Variants in ELAVL2 observed in about 807,000 individuals in gnomAD.
The protein encoded by ELAVL2 is ELAV-like protein 2.
A neutral mutation model predicts 34.6 loss-of-function variants in ELAVL2; 4 were observed. The observed-to-expected ratio is 0.12, with a 90% CI of 0.06 to 0.26. ELAVL2 has a LOEUF of 0.26. Ranked by LOEUF, ELAVL2 falls within the 10% of genes least tolerant of loss-of-function variation. The pLI, the probability that ELAVL2 is intolerant of heterozygous loss-of-function variation, is 1.00. For missense variants in ELAVL2, 432 were observed against 442.8 expected, an observed-to-expected ratio of 0.98 and a Z score of 0.22; for synonymous variants, 193 against 154.8, an observed-to-expected ratio of 1.25 and a Z score of -1.83.
At chr9:23,793,260 T>C (rs1400675161) in intron 1 of ELAVL2, among the ~76,000 whole-genome samples, 1 of 152,206 alleles carries the variant, frequency 6.6e-6, no homozygotes, top group Non-Finnish European at 1.5e-5. Context: ...TTTATTCAAA[T>C]AGGCTTTTAC....
intron 5 of ELAVL2, 70 bp from the exon 6 acceptor site, chr9:23,693,556 A>G (rs1249797624): frequency 1.3e-6 from 2 of 1,547,438 alleles, no homozygotes; most frequent in South Asian, 2.2e-5. Context: ...AGTTGGGCTC[A>G]TTACTGCCAT....
chr9:23,821,171 A>G (rs2064614640), intron 1 of ELAVL2: 1 of 152,654 alleles, frequency 6.6e-6, no homozygotes, highest in Admixed American at 6.5e-5. Context: ...CAACACAGGA[A>G]TCCTGCCCTT....
At chr9:23,734,660 C>T (rs1429545878) in intron 2 of ELAVL2, among the ~76,000 whole-genome samples, 1 of 152,146 alleles carries the variant, frequency 6.6e-6, no homozygotes, top group Admixed American at 6.5e-5. Context: ...TCTCAAACTT[C>T]TGTACCTTTT....
chr9:23,790,660 A>G (rs1018227877), intron 1 of ELAVL2, among the ~76,000 whole-genome samples: 1 of 152,210 alleles, frequency 6.6e-6, no homozygotes, highest in Admixed American at 6.5e-5. Flanking sequence ...GCTGGAGCAA[A>G]TAACTATAAA....
At chr9:23,724,437 G>A (rs2044556100) in intron 3 of ELAVL2, among the ~76,000 whole-genome samples, 1 of 151,220 alleles carries the variant, frequency 6.6e-6, no homozygotes, top group African/African-American at 2.5e-5. Context: ...GAGGCCTGAG[G>A]ACAGGACATT....
chr9:23,697,751 T>C (rs771288777), intron 5 of ELAVL2, among the ~76,000 whole-genome samples: 1 of 152,124 alleles, frequency 6.6e-6, no homozygotes, highest in African/African-American at 2.4e-5. Context: ...TGATGGACTA[T>C]GGGAAGGCCT....
At chr9:23,841,175 G>A in the ELAVL2 span, among the ~76,000 whole-genome samples, 7 of 152,060 alleles carry the variant, frequency 4.6e-5, no homozygotes, top group Non-Finnish European at 7.4e-5. Context: ...AGGTGGCAGC[G>A]TAAGCCTAGG....
rs765541452 is a variant in ELAVL2, at chr9:23,701,616, T to G, written c.488-12A>C. The stretch of plus-strand genomic sequence containing the variant: ...ACCCCTTGATATGCCTATGGTAGAT[T>G]TGAGTAAAGATTTGGAAAAGAGGGA... On this transcript the variant is annotated splice_polypyrimidine_tract_variant and intron_variant, in intron 4 of 6. Coordinates refer to ENST00000397312, the MANE Select transcript of ELAVL2 (RefSeq NM_004432.5). 1.1e-5 allele frequency: 17 copies of G among 1,611,226 alleles called. No individual in the cohort carries two copies. Among genetic ancestry groups the G allele is most frequent in the Non-Finnish European group, 1.4e-5 (16 of 1,178,000 alleles).
At chr9:23,728,530 TAG>T (rs1177005280) in intron 3 of ELAVL2, among the ~76,000 whole-genome samples, 2 of 152,058 alleles carry the variant, frequency 1.3e-5, no homozygotes, top group African/African-American at 2.4e-5. Flanking sequence ...AGAAACACCA[TAG>T]AGTTTTGAGT....
At chr9:23,785,511 A>AT (rs1588486510) in intron 1 of ELAVL2, among the ~76,000 whole-genome samples, 2 of 152,344 alleles carry the variant, frequency 1.3e-5, no homozygotes, top group East Asian at 3.9e-4. Context: ...TTTTAATCAG[A>AT]TATCTCCCAA....
intron 1 of ELAVL2, among the ~76,000 whole-genome samples, chr9:23,809,898 A>C (rs1239563909): frequency 6.6e-6 from 1 of 152,224 alleles, no homozygotes; most frequent in African/African-American, 2.4e-5. Context: ...AGGTGAATCA[A>C]GAACAATCTT....
intron 1 of ELAVL2, among the ~76,000 whole-genome samples, chr9:23,819,241 T>G (rs965222947): frequency 1.3e-5 from 2 of 152,168 alleles, no homozygotes; most frequent in African/African-American, 4.8e-5. Context: ...TCATTCTCCC[T>G]TAACCTACCA....
At chr9:23,850,350 C>A in the ELAVL2 span, among the ~76,000 whole-genome samples, 1 of 151,344 alleles carries the variant, frequency 6.6e-6, no homozygotes, top group Admixed American at 6.6e-5. Flanking sequence ...CCACAGTCTT[C>A]CACTGCCTGA....
chr9:23,704,200 TGGA>T, intron 4 of ELAVL2, among the ~76,000 whole-genome samples: 1 of 149,324 alleles, frequency 6.7e-6, no homozygotes, highest in Non-Finnish European at 1.5e-5. Flanking sequence ...CCAAAGTGCT[TGGA>T]TTATAGGCAT....
intron 2 of ELAVL2, among the ~76,000 whole-genome samples, chr9:23,760,007 G>A (rs2054585373): frequency 6.6e-6 from 1 of 151,470 alleles, no homozygotes; most frequent in South Asian, 2.1e-4. Flanking sequence ...CAGTTTTTTA[G>A]TATCTAGGTA....
chr9:23,718,630 C>T (rs1325386905), intron 3 of ELAVL2, among the ~76,000 whole-genome samples: 1 of 152,152 alleles, frequency 6.6e-6, no homozygotes, highest in Non-Finnish European at 1.5e-5. Context: ...AAGCCCTCCC[C>T]ACAGAGCCAA....
the ELAVL2 span, among the ~76,000 whole-genome samples, chr9:23,845,757 C>A: frequency 6.6e-6 from 1 of 151,274 alleles, no homozygotes; most frequent in Admixed American, 6.6e-5. Flanking sequence ...ATCATTAATT[C>A]AAATACTATT....
At chr9:23,734,155 T>C (rs767647422) in intron 2 of ELAVL2, among the ~76,000 whole-genome samples, 27 of 152,324 alleles carry the variant, frequency 1.8e-4, no homozygotes, top group Non-Finnish European at 3.5e-4. Flanking sequence ...TGTATTAAAA[T>C]GTTGGCACTA....
chr9:23,766,845 C>G (rs1318514926), intron 1 of ELAVL2, among the ~76,000 whole-genome samples: 1 of 152,006 alleles, frequency 6.6e-6, no homozygotes, highest in Non-Finnish European at 1.5e-5. Context: ...CTACCACAGA[C>G]AACTGGGCTG....
Sources: gnomAD v4.1 joint callset for allele counts (sites outside exome capture counted in the v4.1 genomes callset) on GRCh38, gnomAD v4.1.1 for gene constraint, MANE v1.5 for transcripts, NCBI Gene and HGNC (gene_info 2026-07-23, HGNC 2026-07-21) for gene names.